PRX: variants seen among roughly 807,000 people sequenced by gnomAD.
PRX encodes periaxin.
A neutral mutation model predicts 29.6 loss-of-function variants in PRX; 24 were observed. The ratio of observed to expected loss-of-function variants is 0.81; its 90% confidence interval spans 0.59 to 1.14. The LOEUF (loss-of-function observed/expected upper bound fraction) is 1.14, where lower values mean the gene tolerates loss of function less well. PRX is among the 50% of genes most tolerant of loss of function. The pLI is 0.00. For missense variants in PRX, 1,838 were observed against 1,926.4 expected (o/e 0.95, Z 0.86); for synonymous variants, 772 against 831.7 (o/e 0.93, Z 1.24).
In PRX at chr19:40,397,249, C is replaced by T. The variant is rs758888846; in HGVS notation, c.1103G>A (p.Arg368Gln). 9.9e-6 allele frequency: 16 copies of T among 1,613,690 alleles called. No individual in the cohort carries two copies. The highest frequency in any genetic ancestry group is 5.3e-5 in the African/African-American group (4 of 74,912). The stretch of plus-strand genomic sequence containing the variant: ...CTTGGCCTCAGCAACTTCCTTTGCT[C>T]GAGCCCCAAATCGGGGAAAACTAAG... ...PRLSFPRFGARAKEVAEAKVA... is the reference protein window; with the variant it reads ...PRLSFPRFGAQAKEVAEAKVA... The change falls in exon 7 of 7, where the codon CGA becomes CAA. Residue 368 changes from arginine to glutamine, a missense_variant. Transcript: ENST00000324001.
intron 5 of PRX, among the ~76,000 whole-genome samples, chr19:40,399,852 T>G (rs911571844): frequency 1.7e-5 from 1 of 58,580 alleles, no homozygotes; most frequent in African/African-American, 1.2e-4. Flanking sequence ...CTTTCTTTCC[T>G]TTCTTTCTTT....
Position 40,395,751 on chromosome 19 carries a change from C to A in PRX, c.2601G>T (p.Leu867=). Residue 867 remains leucine (L), a synonymous_variant, in exon 7 of 7, where the codon CTG becomes CTT. Transcript: ENST00000324001. ...VELDLPGALG[L]QGQVPAAKMG... The stretch of plus-strand genomic sequence containing the variant: ...TTTTAGCGGCTGGGACCTGCCCCTG[C>A]AGGCCAAGTGCTCCTGGCAGGTCTA... 3 of 1,614,012 alleles carry A rather than the reference C, an allele frequency of 1.9e-6. No homozygotes were observed. Among genetic ancestry groups the A allele is most frequent in the Non-Finnish European group, 2.5e-6 (3 of 1,179,980 alleles).
Position 40,396,407 on chromosome 19 carries a change from C to T in PRX, c.1945G>A (p.Val649Met). The T allele has an allele frequency of 6.2e-7, 1 of 1,613,816 alleles. No homozygotes were observed. The highest frequency in any genetic ancestry group is 8.5e-7 in the Non-Finnish European group (1 of 1,179,980). The change falls in exon 7 of 7, where the codon GTG (valine) becomes ATG (methionine). Residue 649 changes from valine (V) to methionine (M), a missense_variant. Around this residue, in one of 3 missense-constraint regions of PRX, gnomAD observed 1,143 missense variants for 1,193.0 expected, o/e 0.96. Coordinates refer to ENST00000324001, the MANE Select transcript of PRX (RefSeq NM_181882.3). Reference protein sequence around the residue: ...VKLPKVPEMAVPDVHLPEVQL... With the variant: ...VKLPKVPEMAMPDVHLPEVQL... ...ACTTCCGGGAGGTGCACATCGGGCA[C>T]AGCCATCTCGGGCACCTTCGGGAGT... is the stretch of plus-strand genomic sequence containing the variant.
intron 1 of PRX, among the ~76,000 whole-genome samples, chr19:40,410,256 G>A (rs1355071438): frequency 2.0e-5 from 3 of 152,096 alleles, no homozygotes; most frequent in Non-Finnish European, 2.9e-5. Flanking sequence ...CACCTGGCAT[G>A]CCAACCCGCC....
At chr19:40,411,198 C>T (rs998972483) in intron 1 of PRX, among the ~76,000 whole-genome samples, 1 of 152,210 alleles carries the variant, frequency 6.6e-6, no homozygotes, top group African/African-American at 2.4e-5. Flanking sequence ...CGCACTGGGG[C>T]AGGAGCTGGG....
intron 5 of PRX, among the ~76,000 whole-genome samples, chr19:40,399,286 C>A (rs983504490): frequency 6.6e-6 from 1 of 152,190 alleles, no homozygotes; most frequent in South Asian, 2.1e-4. Flanking sequence ...CTTCCCACGT[C>A]ATCAGTTGTC....
At position 40,396,458 on chromosome 19, in the gene PRX, G is replaced by A. The variant is rs867200095; in HGVS notation, c.1894C>T (p.Pro632Ser). 2 of 1,612,954 alleles carry A rather than the reference G, an allele frequency of 1.2e-6. No homozygotes were observed. The highest frequency in any genetic ancestry group is 1.6e-4 in the Middle Eastern group (1 of 6,076). ...TTCACCTCAGGGAGTTTCATCTCAG[G>A]GAGCTTCATCTCTGGGACTTTTGGA... ...QLPKVPEMKL[P>S]EMKLPEVKLP... Residue 632 changes from proline (P) to serine (S), a missense_variant, in exon 7 of 7, where the codon CCT becomes TCT. Physicochemically the swap from Pro to Ser is moderately conservative, Grantham distance 74. Coordinates refer to ENST00000324001, the MANE Select transcript of PRX (RefSeq NM_181882.3).
chr19:40,403,680 C>T, intron 5 of PRX, 26 bp downstream of exon 5: 8 of 1,534,282 alleles, frequency 5.2e-6, no homozygotes, highest in Non-Finnish European at 7.0e-6. Flanking sequence ...CAGTTCGACC[C>T]CGCCCCACAC....
At position 40,395,985 on chromosome 19, in the gene PRX, T is replaced by C; in HGVS notation, c.2367A>G (p.Ala789=). Residue 789 remains alanine (A), a synonymous_variant, in exon 7 of 7, where the codon GCA becomes GCG. Coordinates refer to ENST00000324001, the MANE Select transcript of PRX (RefSeq NM_181882.3). ...CAAATTCCATCCCTTCTGCCTGTTC[T>C]GCCTTGGTGGCCTTTAGCTGCACCT... The part of the protein sequence containing the change: ...APEVQLKATK[A]EQAEGMEFGF... 5 of 1,614,104 alleles carry C rather than the reference T, an allele frequency of 3.1e-6. No homozygotes were observed. The highest frequency in any genetic ancestry group is 4.2e-6 in the Non-Finnish European group (5 of 1,180,032).
chr19:40,407,715 C>T, intron 4 of PRX, 191 bp downstream of exon 4: 1 of 749,070 alleles, frequency 1.3e-6, no homozygotes. Flanking sequence ...GTGCCAGATG[C>T]TGCACTAAGG....
chr19:40,394,921 C>T lies in PRX; in HGVS notation c.3431G>A (p.Arg1144Lys), dbSNP rs2079416623. 1 of 1,610,026 alleles carries T rather than the reference C, an allele frequency of 6.2e-7. No homozygotes were observed. Residue 1144 changes from arginine (R) to lysine (K), a missense_variant, in exon 7 of 7, where the codon AGG (arginine) becomes AAG (lysine). Arg to Lys is a conservative substitution (Grantham distance 26). Transcript: ENST00000324001. This position sits in a 1 kb window ranked among gnomAD's most constrained non-coding sequence, Gnocchi z 5.8. The stretch of plus-strand genomic sequence containing the variant: ...CAGGGAGATGCCCAGCGGAGGCATC[C>T]TCAGCCCCGCGTCATGGCCCTCAGT... ...VVTEGHDAGLRMPPLGISLPQ... is the reference protein window; with the variant it reads ...VVTEGHDAGLKMPPLGISLPQ...
rs771248611 is a variant in PRX, at chr19:40,396,135, A to G, written c.2217T>C (p.Asp739=). Residue 739 remains aspartate, a synonymous_variant, in exon 7 of 7, where the codon GAT becomes GAC. Coordinates refer to ENST00000324001, the MANE Select transcript of PRX (RefSeq NM_181882.3). ...GCAGCTGCACCTCGGGGAGGTGCAC[A>G]TCGGGCACAGCCATCTCAGGCACCT... The part of the protein sequence containing the change: ...LPKVPEMAVP[D]VHLPEVQLPK... 2.5e-6 allele frequency: 4 copies of G among 1,613,056 alleles called. No individual in the cohort carries two copies. The highest frequency in any genetic ancestry group is 2.5e-6 in the Non-Finnish European group (3 of 1,179,538).
rs772431799 is a variant in PRX, at chr19:40,395,258, C to T, written c.3094G>A (p.Asp1032Asn). The T allele has an allele frequency of 6.8e-6, 11 of 1,613,998 alleles. No homozygotes were observed. Among genetic ancestry groups the T allele is most frequent in the South Asian group, 3.3e-5 (3 of 91,088 alleles). Reference sequence around the variant, plus strand: ...GGCACTAGTTCTGCTGCCTCAGTGTCCCGGCCTCTGACCCCAAACTTGGGG... The same window carrying T: ...GGCACTAGTTCTGCTGCCTCAGTGTTCCGGCCTCTGACCCCAAACTTGGGG... ...ALPKFGVRGR[D>N]TEAAELVPGV... Residue 1032 changes from aspartate (D) to asparagine (N), a missense_variant, in exon 7 of 7, where the codon GAC becomes AAC. Transcript: ENST00000324001.
chr19:40,398,571 C>A lies in PRX; in HGVS notation c.381+49G>T. On this transcript the variant is annotated intron_variant, in intron 6 of 6. Transcript: ENST00000324001. This position sits in a 1 kb window ranked among gnomAD's most constrained non-coding sequence, Gnocchi z 6.3. ...GGGAATGGGGCTCACGGCGCAGAGA[C>A]CGGATCGCTGGGGCAGTCCAGGGCC... 6.2e-7 allele frequency: 1 copy of A among 1,607,794 alleles called. No individual in the cohort carries two copies. The highest frequency in any genetic ancestry group is 8.5e-7 in the Non-Finnish European group (1 of 1,177,710).
upstream of PRX, among the ~76,000 whole-genome samples, chr19:40,413,680 A>C (rs1182614361): frequency 6.6e-6 from 1 of 151,954 alleles, no homozygotes; most frequent in Non-Finnish European, 1.5e-5. Context: ...TGGCTCCAGG[A>C]CCCGGGCCTG....
At position 40,394,289 on chromosome 19, in the gene PRX, C is replaced by T. The variant is rs1355099635; in HGVS notation, c.4063G>A (p.Glu1355Lys). The T allele has an allele frequency of 3.1e-6, 5 of 1,612,584 alleles. No homozygotes were observed. The highest frequency in any genetic ancestry group is 4.2e-6 in the Non-Finnish European group (5 of 1,179,176). ...TGEGSPSPEEEEEEEEEGSGE... is the reference protein window; with the variant it reads ...TGEGSPSPEEKEEEEEEGSGE... The stretch of plus-strand genomic sequence containing the variant: ...CTGCCCTCTTCCTCCTCCTCCTCCT[C>T]CTCCTCGGGGCTGGGGGACCCTTCC... The change falls in exon 7 of 7, where the codon GAG (glutamate) becomes AAG (lysine). Residue 1355 changes from glutamate (E) to lysine (K), a missense_variant. Physicochemically the swap from Glu to Lys is moderately conservative, Grantham distance 56. Coordinates refer to ENST00000324001, the MANE Select transcript of PRX (RefSeq NM_181882.3). This position sits in a 1 kb window ranked among gnomAD's most constrained non-coding sequence, Gnocchi z 5.8.
chr19:40,394,391 C>G lies in PRX; in HGVS notation c.3961G>C (p.Glu1321Gln), dbSNP rs748063094. The G allele has an allele frequency of 1.2e-6, 2 of 1,600,200 alleles. No homozygotes were observed. The highest frequency in any genetic ancestry group is 2.7e-5 in the African/African-American group (2 of 74,508). ...FGLVRAKEGA[E>Q]EGEKAKSPKL... ...GGGCTCTTGGCCTTCTCACCCTCCTCGGCCCCCTCCTTGGCCCGCACCAGG... is the reference window on the plus strand; with the variant it reads ...GGGCTCTTGGCCTTCTCACCCTCCTGGGCCCCCTCCTTGGCCCGCACCAGG... Residue 1321 changes from glutamate to glutamine, a missense_variant, in exon 7 of 7, where the codon GAG becomes CAG. Glu to Gln is a conservative substitution (Grantham distance 29, BLOSUM62 2). Coordinates refer to ENST00000324001, the MANE Select transcript of PRX (RefSeq NM_181882.3). This position sits in a 1 kb window ranked among gnomAD's most constrained non-coding sequence, Gnocchi z 5.8.
intron 4 of PRX, among the ~76,000 whole-genome samples, chr19:40,405,709 G>C (rs1203697083): frequency 7.4e-6 from 1 of 135,992 alleles, no homozygotes; most frequent in Non-Finnish European, 1.5e-5. Flanking sequence ...GCACAATCTT[G>C]GCTCACTGCA....
chr19:40,395,375 T>C lies in PRX; in HGVS notation c.2977A>G (p.Ile993Val). 1 of 1,613,814 alleles carries C rather than the reference T, an allele frequency of 6.2e-7. No homozygotes were observed. Among genetic ancestry groups the C allele is most frequent in the Non-Finnish European group, 8.5e-7 (1 of 1,180,020 alleles). Residue 993 changes from isoleucine (I) to valine (V), a missense_variant, in exon 7 of 7, where the codon ATC becomes GTC. Coordinates refer to ENST00000324001, the MANE Select transcript of PRX (RefSeq NM_181882.3). ...AGLLPALDLS[I>V]PQLSLDAHLP... ...TGGGCATCCAGGCTGAGCTGTGGGA[T>C]GGACAGATCGAGGGCAGGCAGCAGG...
Sources: allele counts gnomAD v4.1 joint callset (sites outside exome capture counted in the v4.1 genomes callset), GRCh38; gene constraint gnomAD v4.1.1; regional missense constraint gnomAD v4.1.1; non-coding constraint Gnocchi (gnomAD v3.1); transcripts MANE v1.5; gene names NCBI Gene and HGNC (gene_info 2026-07-23, HGNC 2026-07-21).